The following PCDHA1 variants were observed in gnomAD, a reference collection of about 807,000 sequenced individuals.
PCDHA1 encodes protocadherin alpha-1.
Under a neutral mutation model 61.3 loss-of-function variants are expected in PCDHA1, and 42 were observed. The observed-to-expected ratio is 0.69, with a 90% CI of 0.54 to 0.89. The LOEUF (loss-of-function observed/expected upper bound fraction) is 0.89, where lower values mean the gene tolerates loss of function less well. Ranked by LOEUF, PCDHA1 falls within the 40% of genes least tolerant of loss-of-function variation. The probability of loss-of-function intolerance (pLI) is 0.00; values close to 1 mark genes in which losing one functional copy is unlikely to be tolerated. For synonymous variants in PCDHA1, 610 were observed against 553.8 expected, an observed-to-expected ratio of 1.10 and a Z score of -1.43; for missense variants, 1,256 against 1,235.3, an observed-to-expected ratio of 1.02 and a Z score of -0.25.
chr5:140,926,959 G>C (rs781794027), intron 1 of PCDHA1: 23 of 1,603,904 alleles, frequency 1.4e-5, no homozygotes, highest in Non-Finnish European at 1.9e-5. Context: ...GGGACAGCTC[G>C]AGTACTCAGT....
At chr5:140,947,304 T>A (rs1370804451) in intron 1 of PCDHA1, among the ~76,000 whole-genome samples, 1 of 151,606 alleles carries the variant, frequency 6.6e-6, no homozygotes, top group Admixed American at 6.6e-5. Flanking sequence ...CTTGACATCT[T>A]TGTAAAAAGT....
intron 1 of PCDHA1, among the ~76,000 whole-genome samples, chr5:140,947,906 A>G (rs2153681662): frequency 6.6e-6 from 1 of 151,710 alleles, no homozygotes; most frequent in South Asian, 2.1e-4. Flanking sequence ...GTGAGAGCAG[A>G]CATTCTTGCC....
intron 1 of PCDHA1, among the ~76,000 whole-genome samples, chr5:140,789,324 C>T (rs1311045891): frequency 2.6e-5 from 4 of 151,964 alleles, no homozygotes; most frequent in Non-Finnish European, 5.9e-5. Flanking sequence ...TGGTGGTGGG[C>T]GCCTGTAATC....
At position 140,810,391 on chromosome 5, in the gene PCDHA1, T is replaced by C. The variant is rs1764650551; in HGVS notation, c.2394+21707T>C. 4 of 152,200 alleles carry C rather than the reference T, an allele frequency of 2.6e-5. No homozygotes were observed. The South Asian group carries it at 8.3e-4, about 31-fold the overall frequency. 9.4% of individuals were successfully genotyped at this position (152,200 alleles called of 1,614,324 possible). On this transcript the variant is annotated intron_variant, in intron 1 of 3. Transcript: ENST00000504120. ...GTCACAGAATATGTGTGTATCTTTG[T>C]CTTTTGTAGCTAACACCAACCAATT...
intron 1 of PCDHA1, among the ~76,000 whole-genome samples, chr5:140,945,070 C>T (rs2093734077): frequency 6.6e-6 from 1 of 151,960 alleles, no homozygotes; most frequent in African/African-American, 2.4e-5. Context: ...ACAGACTCCA[C>T]CAAAACACTC....
At chr5:140,807,672 TC>T (rs781861569) in intron 1 of PCDHA1, 7 of 1,614,086 alleles carry the variant, frequency 4.3e-6, no homozygotes, top group Non-Finnish European at 5.9e-6. Context: ...GATGCAGATA[TC>T]GGGGAGAACG....
intron 1 of PCDHA1, chr5:140,830,060 C>A: frequency 6.2e-7 from 1 of 1,613,712 alleles, no homozygotes; most frequent in Non-Finnish European, 8.5e-7. Context: ...CCACGGTGAG[C>A]CGGCGCTGAC....
intron 3 of PCDHA1, among the ~76,000 whole-genome samples, chr5:140,984,456 C>T (rs545706582): frequency 8.5e-5 from 13 of 152,286 alleles, no homozygotes; most frequent in African/African-American, 3.1e-4. Context: ...TTCTTACTGT[C>T]CCAGCCCCTC....
chr5:140,966,690 G>T, intron 1 of PCDHA1: 1 of 1,349,568 alleles, frequency 7.4e-7, no homozygotes, highest in Non-Finnish European at 9.5e-7. Context: ...AGCGGAGGCG[G>T]GGCCCGGGCG....
At position 140,967,719 on chromosome 5, in the gene PCDHA1, G is replaced by A. The variant is rs1422649398; in HGVS notation, c.2395-11230G>A. On this transcript the variant is annotated intron_variant, in intron 1 of 3. Coordinates refer to ENST00000504120, the MANE Select transcript of PCDHA1 (RefSeq NM_018900.4). ...ATAGATGCCAGTACCGGGGAAGTGC[G>A]AGTAATTGGGGGGCTGGATTATGAG... 3 of 1,614,052 alleles carry A rather than the reference G, an allele frequency of 1.9e-6. No individual in the cohort carries two copies. In the African/African-American group the frequency reaches 4.0e-5, roughly 22 times the overall value.
intron 1 of PCDHA1, chr5:140,929,740 A>G (rs2086345950): frequency 5.1e-6 from 1 of 196,656 alleles, no homozygotes; most frequent in African/African-American, 2.3e-5. Context: ...AACTATTGCA[A>G]TGCATTATTA....
intron 3 of PCDHA1, among the ~76,000 whole-genome samples, chr5:140,985,001 G>A (rs1554246727): frequency 1.3e-5 from 2 of 151,944 alleles, no homozygotes; most frequent in South Asian, 2.1e-4. Flanking sequence ...CCAGTGGCAC[G>A]ATATCGGCTC....
Position 140,853,615 on chromosome 5 carries a change from A to G in PCDHA1, c.2394+64931A>G, listed in dbSNP as rs1265889147. 5 of 988,116 alleles carry G rather than the reference A, an allele frequency of 5.1e-6. 1 individual carries two copies. Among genetic ancestry groups the G allele is most frequent in the Non-Finnish European group, 6.1e-6 (5 of 820,262 alleles). 61.2% of individuals were successfully genotyped at this position (988,116 alleles called of 1,614,324 possible). ...TTTGAGAGCAAAGGGGGTGCTGTAA[A>G]TAAGTATACAAGATCACAGACCTAA... On this transcript the variant is annotated intron_variant, in intron 1 of 3. Coordinates refer to ENST00000504120, the MANE Select transcript of PCDHA1 (RefSeq NM_018900.4).
rs1423136904 is a variant in PCDHA1 at position 140,966,615 on chromosome 5, G to A, written c.2395-12334G>A. 1.0e-5 allele frequency: 8 copies of A among 773,600 alleles called. No individual in the cohort carries two copies. In the Admixed American group the frequency reaches 1.2e-4, roughly 12 times the overall value. The allele number at this position is 773,600 out of a possible 1,614,324, so 47.9% of individuals were successfully genotyped here. A position where few individuals can be genotyped will look rare whatever the true frequency, so the allele number is the denominator to read the frequency against. On this transcript the variant is annotated intron_variant, in intron 1 of 3. Transcript: ENST00000504120. The stretch of plus-strand genomic sequence containing the variant: ...GCCAGGAGCCCTTGGGAGGGCCTAC[G>A]GAGGGAGCGGCCCCAGGCGCTTTCT...
chr5:140,826,672 G>A (rs1290845533), intron 1 of PCDHA1, among the ~76,000 whole-genome samples: 2 of 152,028 alleles, frequency 1.3e-5, no homozygotes, highest in South Asian at 2.1e-4. Context: ...AATTGTAGAC[G>A]TAATTAAAAA....
intron 1 of PCDHA1, chr5:140,842,584 T>A: frequency 6.6e-7 from 1 of 1,519,626 alleles, no homozygotes; most frequent in Non-Finnish European, 8.9e-7. Flanking sequence ...TGTCGGCCTA[T>A]GAGTTGGTGG....
chr5:140,982,128 A>G (rs2153827578), intron 2 of PCDHA1, among the ~76,000 whole-genome samples: 1 of 152,384 alleles, frequency 6.6e-6, no homozygotes, highest in South Asian at 2.1e-4. Flanking sequence ...TTTTGAGAAC[A>G]AGCCCTCCTC....
chr5:140,830,473 T>A (rs2150186969), intron 1 of PCDHA1: 2 of 1,553,368 alleles, frequency 1.3e-6, no homozygotes, highest in African/African-American at 1.4e-5. Flanking sequence ...TAAATGAAGA[T>A]CATGATGCCA....
At chr5:140,802,021 A>G (rs1554121829) in intron 1 of PCDHA1, 1 of 1,614,228 alleles carries the variant, frequency 6.2e-7, no homozygotes, top group Non-Finnish European at 8.5e-7. Flanking sequence ...GGAGTAAATA[A>G]GGATATCGCG....
Sources: gnomAD v4.1 joint callset for allele counts (sites outside exome capture counted in the v4.1 genomes callset) on GRCh38, gnomAD v4.1.1 for gene constraint, MANE v1.5 for transcripts, NCBI Gene and HGNC (gene_info 2026-07-23, HGNC 2026-07-21) for gene names.